NOL11: variants seen among roughly 807,000 people sequenced by gnomAD.
NOL11 encodes nucleolar protein 11.
In NOL11, 42 loss-of-function variants were observed where a neutral mutation model predicts 93.0. That is an observed-to-expected ratio of 0.45 (90% CI 0.35 to 0.58). The LOEUF is 0.58. Among genes scored for constraint, NOL11 ranks in the 20% least tolerant of loss-of-function variants. The pLI, the probability that NOL11 is intolerant of heterozygous loss-of-function variation, is 0.00. For synonymous variants in NOL11, 296 were observed against 293.7 expected (o/e 1.01, Z -0.08); for missense variants, 775 against 841.8 (o/e 0.92, Z 0.98).
chr17:67,739,916 G>A (rs2143140907), intron 16 of NOL11, among the ~76,000 whole-genome samples: 1 of 152,222 alleles, frequency 6.6e-6, no homozygotes, highest in South Asian at 2.1e-4. Flanking sequence ...TGATAATATA[G>A]GTTGCCCCCT....
At chr17:67,729,601 CAG>C (rs1396888851) in intron 7 of NOL11, among the ~76,000 whole-genome samples, 1 of 150,680 alleles carries the variant, frequency 6.6e-6, no homozygotes, top group Non-Finnish European at 1.5e-5. Context: ...TTTTTTGAGG[CAG>C]AGTCTTGCTC....
chr17:67,743,444 TA>T (rs772489046), intron 16 of NOL11, 34 bp from the exon 17 acceptor site: 1 of 977,582 alleles, frequency 1.0e-6, no homozygotes, highest in Non-Finnish European at 1.6e-6. Context: ...AAGTTAAATT[TA>T]AAATCTTAAC....
In NOL11 at chr17:67,738,750, A is replaced by G. The variant is rs1037410184; in HGVS notation, c.1764-182A>G. 4 of 557,542 alleles carry G rather than the reference A, an allele frequency of 7.2e-6. No homozygotes were observed. The African/African-American group carries it at 7.6e-5, about 11-fold the overall frequency. 34.5% of individuals were successfully genotyped at this position (557,542 alleles called of 1,614,324 possible). A position where few individuals can be genotyped will look rare whatever the true frequency, so the allele number is the denominator to read the frequency against. Reference sequence around the variant, plus strand: ...ATTCTGAAGATCAGTATTCTGAATAAATACCAATTAAAGTATTCCACATGA... The same window carrying G: ...ATTCTGAAGATCAGTATTCTGAATAGATACCAATTAAAGTATTCCACATGA... On this transcript the variant is annotated intron_variant, in intron 14 of 17. Coordinates refer to ENST00000253247, the MANE Select transcript of NOL11 (RefSeq NM_015462.5).
intron 1 of NOL11, 28 bp downstream of exon 1, chr17:67,718,116 C>G (rs3760224): frequency 0.11 from 171,614 of 1,601,618 alleles, 9,706 homozygotes; most frequent in Middle Eastern, 0.16. Flanking sequence ...GGGAGCGCCC[C>G]GACTGCCTTC....
At chr17:67,720,099 A>G (rs186851191) in intron 3 of NOL11, 137 bp downstream of exon 3, 2 of 720,328 alleles carry the variant, frequency 2.8e-6, no homozygotes, top group African/African-American at 3.6e-5. Flanking sequence ...CATTCTAATT[A>G]TCTTACAATG....
chr17:67,722,536 G>T, intron 4 of NOL11, 44 bp from the exon 5 acceptor site: 6 of 1,549,238 alleles, frequency 3.9e-6, no homozygotes, highest in Non-Finnish European at 4.3e-6. Flanking sequence ...CTCCCAGCTG[G>T]TGATTTTTGC....
rs78507611 is a variant in NOL11, at chr17:67,737,376, G to A, written c.1219-132G>A. ...TATCTCTTTCTCATTTAACTTTGCA[G>A]TGTCAGCTTCAGCTTTGCAGGAATG... On this transcript the variant is annotated intron_variant, in intron 11 of 17. Transcript: ENST00000253247. 2,195 of 775,978 alleles carry A rather than the reference G, an allele frequency of 2.8e-3. 42 individuals carry two copies. The African/African-American group carries it at 0.035, about 12-fold the overall frequency. The allele number at this position is 775,978 out of a possible 1,614,324, so 48.1% of individuals were successfully genotyped here. A position where few individuals can be genotyped will look rare whatever the true frequency, so the allele number is the denominator to read the frequency against.
intron 16 of NOL11, 151 bp downstream of exon 16, chr17:67,739,759 A>C: frequency 3.4e-6 from 2 of 586,450 alleles, no homozygotes; most frequent in East Asian, 3.3e-5. Flanking sequence ...TGCAGCTAGA[A>C]ATGGGGAGTC....
chr17:67,743,794 C>T lies in NOL11; in HGVS notation c.2095C>T (p.Gln699Ter), dbSNP rs138866532. ...NKIEVSFREL[Q>*]KLNQEKNNRG... ...GATTGAAGTAAGTTTTCGGGAGCTA[C>T]AGAAATTAAATCAAGAAAAGAATAA... The change falls in exon 18 of 18, where the codon CAG (glutamine) becomes TAG (stop). Residue 699 changes from glutamine (Q) to a stop codon, truncating the protein, a stop_gained. Coordinates refer to ENST00000253247, the MANE Select transcript of NOL11 (RefSeq NM_015462.5). LOFTEE classifies it high-confidence loss of function. The T allele has an allele frequency of 6.4e-6, 10 of 1,552,328 alleles. No homozygotes were observed. Among genetic ancestry groups the T allele is most frequent in the Non-Finnish European group, 8.7e-6 (10 of 1,156,068 alleles).
At chr17:67,734,566 C>A in intron 8 of NOL11, 127 bp downstream of exon 8, 1 of 619,128 alleles carries the variant, frequency 1.6e-6, no homozygotes, top group South Asian at 2.0e-5. Flanking sequence ...TCAAGTGATC[C>A]TCCTGCTTCA....
Position 67,719,805 on chromosome 17 carries a change from T to C in NOL11, c.255+18T>C, listed in dbSNP as rs776896712. 4 of 1,518,920 alleles carry C rather than the reference T, an allele frequency of 2.6e-6. No individual in the cohort carries two copies. Among genetic ancestry groups the C allele is most frequent in the Non-Finnish European group, 1.8e-6 (2 of 1,107,310 alleles). The allele number at this position is 1,518,920 out of a possible 1,614,324, so 94.1% of individuals were successfully genotyped here. Reference sequence around the variant, plus strand: ...ATAATAAGGTGAGTTTTAAAACTTTTGTATAATATATACAATATAAATGTT... The same window carrying C: ...ATAATAAGGTGAGTTTTAAAACTTTCGTATAATATATACAATATAAATGTT... On this transcript the variant is annotated intron_variant, in intron 2 of 17. Coordinates refer to ENST00000253247, the MANE Select transcript of NOL11 (RefSeq NM_015462.5).
At chr17:67,732,285 C>T (rs1007640550) in intron 7 of NOL11, among the ~76,000 whole-genome samples, 5 of 151,912 alleles carry the variant, frequency 3.3e-5, no homozygotes, top group African/African-American at 1.2e-4. Context: ...AGTTTGAGAC[C>T]AGCCTGACCA....
chr17:67,739,760 A>C, intron 16 of NOL11, 152 bp downstream of exon 16: 1 of 587,868 alleles, frequency 1.7e-6, no homozygotes, highest in Non-Finnish European at 3.0e-6. Flanking sequence ...GCAGCTAGAA[A>C]TGGGGAGTCT....
chr17:67,727,526 G>A (rs990783917), intron 7 of NOL11, among the ~76,000 whole-genome samples: 1 of 152,096 alleles, frequency 6.6e-6, no homozygotes, highest in Non-Finnish European at 1.5e-5. Flanking sequence ...GTGTGGTGGC[G>A]CATGCCTGTA....
At chr17:67,718,625 C>T (rs2043194024) in intron 1 of NOL11, among the ~76,000 whole-genome samples, 1 of 152,170 alleles carries the variant, frequency 6.6e-6, no homozygotes, top group South Asian at 2.1e-4. Context: ...CGCTGGGAAT[C>T]CTGGAGTTGA....
chr17:67,735,068 G>GTGTTAAA, intron 8 of NOL11, among the ~76,000 whole-genome samples: 1 of 152,230 alleles, frequency 6.6e-6, no homozygotes, highest in African/African-American at 2.4e-5. Flanking sequence ...TTTAGATTAT[G>GTGTTAAA]TGTTAAATGT....
rs1247142891 is a variant in NOL11 at position 67,724,223 on chromosome 17, A to G, written c.664+30A>G. ...GTTTTCTTTCTTTAAACTTTCAGAG[A>G]TTATAAATAGAGGATTGTTATAGGA... On this transcript the variant is annotated intron_variant, in intron 6 of 17. Coordinates refer to ENST00000253247, the MANE Select transcript of NOL11 (RefSeq NM_015462.5). The G allele has an allele frequency of 2.9e-6, 4 of 1,369,556 alleles. No individual in the cohort carries two copies. In the Admixed American group the frequency reaches 6.5e-5, roughly 22 times the overall value. The allele number at this position is 1,369,556 out of a possible 1,614,324, so 84.8% of individuals were successfully genotyped here. A position where few individuals can be genotyped will look rare whatever the true frequency, so the allele number is the denominator to read the frequency against.
At chr17:67,728,808 CTG>C (rs2055123859) in intron 7 of NOL11, among the ~76,000 whole-genome samples, 1 of 152,168 alleles carries the variant, frequency 6.6e-6, no homozygotes, top group African/African-American at 2.4e-5. Flanking sequence ...TTTTGAATAG[CTG>C]TGTAATATTT....
Position 67,718,060 on chromosome 17 carries a change from A to G in NOL11, c.113A>G (p.Asp38Gly). The change falls in exon 1 of 18, where the codon GAC (aspartate) becomes GGC (glycine). Residue 38 changes from aspartate (D) to glycine (G), a missense_variant. Asp to Gly is a moderately conservative substitution (Grantham distance 94). This residue lies in a region of NOL11 where 359 missense variants were observed against 316.5 expected (regional missense o/e 1.13). Transcript: ENST00000253247. ...SDKTDQFLVT[D>G]SGRTVILYKV... ...AAAACAGACCAGTTTCTAGTGACAG[A>G]CAGCGGCAGGACAGTCATCCTCTAT... is the stretch of plus-strand genomic sequence containing the variant. 7.4e-6 allele frequency: 12 copies of G among 1,614,256 alleles called. No homozygotes were observed. Among genetic ancestry groups the G allele is most frequent in the Non-Finnish European group, 1.0e-5 (12 of 1,180,046 alleles).
Sources: gnomAD v4.1 joint callset for allele counts (sites outside exome capture counted in the v4.1 genomes callset) on GRCh38, gnomAD v4.1.1 for gene constraint, gnomAD v4.1.1 regional missense constraint, MANE v1.5 for transcripts, NCBI Gene and HGNC (gene_info 2026-07-23, HGNC 2026-07-21) for gene names.